SHISA6: variants seen among roughly 807,000 people sequenced by gnomAD.
SHISA6 encodes the protein shisa family member 6, also known as protein shisa-6.
SHISA6 carries 22 observed loss-of-function variants against 47.9 expected under a neutral mutation model. The observed-to-expected ratio is 0.46, with a 90% CI of 0.33 to 0.66. The LOEUF is 0.66. Ranked by LOEUF, SHISA6 falls within the 30% of genes least tolerant of loss-of-function variation. SHISA6 has a pLI of 0.02. For synonymous variants in SHISA6, 388 were observed against 337.8 expected (o/e 1.15, Z -1.63); for missense variants, 680 against 764.6 (o/e 0.89, Z 1.30).
At position 11,546,878 on chromosome 17, in the gene SHISA6, G is replaced by A. The variant is rs1047196264; in HGVS notation, c.896-5018G>A. On this transcript the variant is annotated intron_variant, in intron 3 of 5. Transcript: ENST00000441885. ...AGAGGTTGCAGTGAGCCAAGATTGC[G>A]CCACGGCGCCACTGTACTCCAGCCT... 1.3e-4 allele frequency among the ~76,000 whole-genome samples: 20 copies of A among 151,796 alleles called. No homozygotes were observed. The South Asian group carries it at 2.5e-3, about 19-fold the overall frequency.
Position 11,557,963 on chromosome 17 carries a change from C to T in SHISA6, c.1315C>T (p.Arg439Cys), listed in dbSNP as rs556936959. ...LPDEFSMPYD[R>C]ILSDEQLLST... The stretch of plus-strand genomic sequence containing the variant: ...AGATGAGTTCAGCATGCCCTACGAC[C>T]GCATCCTGTCCGACGAGCAGCTGCT... Residue 439 changes from arginine to cysteine, a missense_variant, in exon 6 of 6, where the codon CGC becomes TGC. Transcript: ENST00000441885. 6.4e-6 allele frequency: 10 copies of T among 1,551,462 alleles called. No individual in the cohort carries two copies. The highest frequency in any genetic ancestry group is 4.1e-5 in the African/African-American group (3 of 73,176).
chr17:11,304,264 G>T (rs1910028714), intron 2 of SHISA6, among the ~76,000 whole-genome samples: 1 of 152,198 alleles, frequency 6.6e-6, no homozygotes, highest in Admixed American at 6.5e-5. Flanking sequence ...GAGGTGGCCG[G>T]GTGGCAGTGT....
intron 2 of SHISA6, among the ~76,000 whole-genome samples, chr17:11,283,047 C>G (rs6502138): frequency 0.17 from 25,551 of 152,160 alleles, 2,733 homozygotes; most frequent in Middle Eastern, 0.24. Flanking sequence ...AGCACCAGAC[C>G]TAGATATTGT....
intron 3 of SHISA6, among the ~76,000 whole-genome samples, chr17:11,516,479 C>T (rs2071586768): frequency 6.6e-6 from 1 of 152,150 alleles, no homozygotes; most frequent in Admixed American, 6.5e-5. Context: ...ATAACAGCAC[C>T]TTATGAAAAG....
intron 2 of SHISA6, among the ~76,000 whole-genome samples, chr17:11,330,740 A>G (rs552195877): frequency 6.6e-6 from 1 of 152,324 alleles, no homozygotes; most frequent in South Asian, 2.1e-4. Context: ...AGCAAAGAAA[A>G]AAATGTAAGT....
At chr17:11,341,896 T>G (rs1911543423) in intron 2 of SHISA6, among the ~76,000 whole-genome samples, 1 of 152,192 alleles carries the variant, frequency 6.6e-6, no homozygotes, top group Non-Finnish European at 1.5e-5. Flanking sequence ...TTACACAGTT[T>G]CCTTCCAACA....
rs549697895 is a variant in SHISA6, at chr17:11,551,469, G to A, written c.896-427G>A. On this transcript the variant is annotated intron_variant, in intron 3 of 5. Coordinates refer to ENST00000441885, the MANE Select transcript of SHISA6 (RefSeq NM_207386.4). The stretch of plus-strand genomic sequence containing the variant: ...AATCAGAGTCCTGTAAAGTGGAAGC[G>A]CCTTAAGTCAGGGCACCCTCATTTT... 3.9e-5 allele frequency among the ~76,000 whole-genome samples: 6 copies of A among 152,176 alleles called. 1 individual carries two copies. In the South Asian group the frequency reaches 1.0e-3, roughly 26 times the overall value.
chr17:11,529,765 G>A (rs2071716699), intron 3 of SHISA6, among the ~76,000 whole-genome samples: 1 of 152,178 alleles, frequency 6.6e-6, no homozygotes. Flanking sequence ...ATGTTATGAT[G>A]TGTGACAGAT....
At chr17:11,407,351 A>G (rs561919755) in intron 3 of SHISA6, among the ~76,000 whole-genome samples, 1 of 152,188 alleles carries the variant, frequency 6.6e-6, no homozygotes, top group East Asian at 1.9e-4. Context: ...ACTGTGCTCT[A>G]GTCTATGCTG....
At chr17:11,432,802 A>G (rs1914822118) in intron 3 of SHISA6, among the ~76,000 whole-genome samples, 1 of 152,234 alleles carries the variant, frequency 6.6e-6, no homozygotes, top group South Asian at 2.1e-4. Flanking sequence ...ATTAAAAAAA[A>G]AAACCCACGT....
intron 2 of SHISA6, among the ~76,000 whole-genome samples, chr17:11,336,777 G>A (rs879642104): frequency 6.6e-6 from 1 of 152,204 alleles, no homozygotes; most frequent in Non-Finnish European, 1.5e-5. Context: ...CGCCCAGGGC[G>A]CAGGGATTTG....
chr17:11,467,902 G>C (rs1389273744), intron 3 of SHISA6, among the ~76,000 whole-genome samples: 1 of 152,072 alleles, frequency 6.6e-6, no homozygotes, highest in African/African-American at 2.4e-5. Flanking sequence ...CCTTGTTCTT[G>C]TTAGGTACAG....
At chr17:11,257,956 A>G (rs191215722) in intron 1 of SHISA6, among the ~76,000 whole-genome samples, 9 of 152,326 alleles carry the variant, frequency 5.9e-5, no homozygotes, top group African/African-American at 1.9e-4. Context: ...AAGAGAACTA[A>G]AGATTAGACT....
rs552220293 is a variant in SHISA6, at chr17:11,319,575, A to G, written c.799+56049A>G. Among the ~76,000 whole-genome samples, 71 of 152,116 alleles carry G rather than the reference A, an allele frequency of 4.7e-4. 1 individual carries two copies. Among genetic ancestry groups the G allele is most frequent in the Non-Finnish European group, 5.9e-4 (40 of 68,016 alleles). ...TCTCCTTGAGGAGTTGCAAATGTGG[A>G]TTGCCTTCTTACTTTTAAAATTAAT... On this transcript the variant is annotated intron_variant, in intron 2 of 5. Coordinates refer to ENST00000441885, the MANE Select transcript of SHISA6 (RefSeq NM_207386.4).
chr17:11,449,990 T>G (rs1264491409), intron 3 of SHISA6, among the ~76,000 whole-genome samples: 1 of 152,184 alleles, frequency 6.6e-6, no homozygotes, highest in Non-Finnish European at 1.5e-5. Flanking sequence ...GTTCACGCCA[T>G]TCTCCTGCGT....
intron 3 of SHISA6, among the ~76,000 whole-genome samples, chr17:11,428,358 T>C (rs1914658460): frequency 6.6e-6 from 1 of 152,158 alleles, no homozygotes; most frequent in East Asian, 1.9e-4. Flanking sequence ...ATGAGCAAAT[T>C]TGCAGTCAAA....
chr17:11,314,711 T>C (rs889630667), intron 2 of SHISA6, among the ~76,000 whole-genome samples: 14 of 151,980 alleles, frequency 9.2e-5, no homozygotes, highest in African/African-American at 3.4e-4. Context: ...AATTTTGTTT[T>C]TTATTTTTAG....
chr17:11,561,978 G>C lies in SHISA6; in HGVS notation c.*3674G>C, dbSNP rs953855016. On this transcript the variant is annotated 3_prime_UTR_variant, in exon 6 of 6. Coordinates refer to ENST00000441885, the MANE Select transcript of SHISA6 (RefSeq NM_207386.4). Reference sequence around the variant, plus strand: ...GAGATGTCATGGCCTGTGATAGTCAGTTTGGTTCCTGCCACTAGCAAGTCC... The same window carrying C: ...GAGATGTCATGGCCTGTGATAGTCACTTTGGTTCCTGCCACTAGCAAGTCC... 4 of 152,158 alleles carry C rather than the reference G, an allele frequency of 2.6e-5. No individual in the cohort carries two copies. Among genetic ancestry groups the C allele is most frequent in the Non-Finnish European group, 4.4e-5 (3 of 68,144 alleles). The allele number at this position is 152,158 out of a possible 1,614,324, so 9.4% of individuals were successfully genotyped here.
At chr17:11,497,231 C>T (rs2071416604) in intron 3 of SHISA6, among the ~76,000 whole-genome samples, 1 of 152,172 alleles carries the variant, frequency 6.6e-6, no homozygotes, top group African/African-American at 2.4e-5. Context: ...GGGGGACCAG[C>T]CTGGCTTGTG....
Sources: gnomAD v4.1 joint callset for allele counts (sites outside exome capture counted in the v4.1 genomes callset) on GRCh38, gnomAD v4.1.1 for gene constraint, MANE v1.5 for transcripts, NCBI Gene and HGNC (gene_info 2026-07-23, HGNC 2026-07-21) for gene names.